KCNK13: variants seen among roughly 807,000 people sequenced by gnomAD.
KCNK13 encodes the protein potassium channel subfamily K member 13.
Under a neutral mutation model 23.4 loss-of-function variants are expected in KCNK13, and 12 were observed. That is an observed-to-expected ratio of 0.51 (90% CI 0.33 to 0.83). KCNK13 has a LOEUF of 0.83. KCNK13 is among the 40% of genes least tolerant of loss of function. The pLI is 0.02. For missense variants in KCNK13, 463 were observed against 556.3 expected (o/e 0.83, Z 1.69); for synonymous variants, 231 against 229.5 (o/e 1.01, Z -0.06).
chr14:90,097,148 T>C (rs934996558), intron 1 of KCNK13, among the ~76,000 whole-genome samples: 1 of 152,142 alleles, frequency 6.6e-6, no homozygotes, highest in African/African-American at 2.4e-5. Flanking sequence ...CTCTGCCCAA[T>C]AGAACCAGCT....
intron 1 of KCNK13, among the ~76,000 whole-genome samples, chr14:90,124,603 G>T: frequency 6.6e-6 from 1 of 152,296 alleles, no homozygotes; most frequent in Middle Eastern, 3.4e-3. Flanking sequence ...CGGGGACCTC[G>T]GTCCTGCAAC....
chr14:90,130,947 T>A (rs1263585557), intron 1 of KCNK13, among the ~76,000 whole-genome samples: 1 of 152,196 alleles, frequency 6.6e-6, no homozygotes, highest in Non-Finnish European at 1.5e-5. Context: ...CAAGTTTGAT[T>A]CCAGCTCCTC....
At chr14:90,177,670 G>T (rs1424399875) in intron 1 of KCNK13, among the ~76,000 whole-genome samples, 1 of 152,168 alleles carries the variant, frequency 6.6e-6, no homozygotes, top group Non-Finnish European at 1.5e-5. Flanking sequence ...GTGTGTGAAG[G>T]AGTGGTTCCT....
intron 1 of KCNK13, among the ~76,000 whole-genome samples, chr14:90,127,267 G>T (rs1163052962): frequency 6.6e-6 from 1 of 152,016 alleles, no homozygotes; most frequent in African/African-American, 2.4e-5. Flanking sequence ...AAAAGTGTAT[G>T]CACCTTAAAA....
intron 1 of KCNK13, among the ~76,000 whole-genome samples, chr14:90,075,877 C>T (rs1377624773): frequency 6.6e-6 from 1 of 152,154 alleles, no homozygotes; most frequent in Non-Finnish European, 1.5e-5. Flanking sequence ...CATTTAAACC[C>T]CATTGGATCT....
At chr14:90,099,607 A>G (rs1889450893) in intron 1 of KCNK13, among the ~76,000 whole-genome samples, 3 of 152,206 alleles carry the variant, frequency 2.0e-5, no homozygotes. Context: ...ACTAGGGAGA[A>G]AAGTGCTGAT....
chr14:90,133,833 G>A (rs981247393), intron 1 of KCNK13, among the ~76,000 whole-genome samples: 8 of 152,034 alleles, frequency 5.3e-5, no homozygotes, highest in Admixed American at 1.3e-4. Context: ...CTGGGGCCTC[G>A]CTATCCAAAA....
chr14:90,075,919 A>G (rs58980746), intron 1 of KCNK13, among the ~76,000 whole-genome samples: 2,702 of 152,350 alleles, frequency 0.018, 66 homozygotes, highest in African/African-American at 0.061. Context: ...TCAGACAGAA[A>G]GTAAAGGCAA....
chr14:90,098,121 C>T (rs940921912), intron 1 of KCNK13, among the ~76,000 whole-genome samples: 1 of 152,200 alleles, frequency 6.6e-6, no homozygotes, highest in Non-Finnish European at 1.5e-5. Context: ...GCCACACATT[C>T]ACCTGTGGGT....
At chr14:90,072,992 A>G (rs921385104) in intron 1 of KCNK13, among the ~76,000 whole-genome samples, 1 of 152,178 alleles carries the variant, frequency 6.6e-6, no homozygotes, top group Non-Finnish European at 1.5e-5. Context: ...GTTGCAAACA[A>G]GGATCCTGAG....
chr14:90,160,815 C>A (rs1890244920), intron 1 of KCNK13, among the ~76,000 whole-genome samples: 1 of 149,908 alleles, frequency 6.7e-6, no homozygotes, highest in Non-Finnish European at 1.5e-5. Flanking sequence ...TGGACACCAG[C>A]CTGGGTGACA....
chr14:90,133,271 A>C (rs1889895834), intron 1 of KCNK13, among the ~76,000 whole-genome samples: 1 of 152,200 alleles, frequency 6.6e-6, no homozygotes, highest in African/African-American at 2.4e-5. Context: ...GAGTGAAAGA[A>C]ACCAGTTGCA....
At chr14:90,138,942 A>G (rs566842378) in intron 1 of KCNK13, among the ~76,000 whole-genome samples, 1 of 152,306 alleles carries the variant, frequency 6.6e-6, no homozygotes, top group African/African-American at 2.4e-5. Flanking sequence ...AAACACATCG[A>G]GGCAGGCAGT....
chr14:90,107,797 G>C, intron 1 of KCNK13: 1 of 853,554 alleles, frequency 1.2e-6, no homozygotes, highest in South Asian at 1.3e-5. Context: ...TCAAACAAGG[G>C]CTTCTGGAAT....
chr14:90,172,185 C>T (rs566350697), intron 1 of KCNK13, among the ~76,000 whole-genome samples: 78 of 152,076 alleles, frequency 5.1e-4, no homozygotes, highest in Middle Eastern at 6.8e-3. Context: ...GCTGTGGTGG[C>T]AGGTGCCTGT....
At chr14:90,092,988 G>A (rs11625284) in intron 1 of KCNK13, among the ~76,000 whole-genome samples, 1 of 149,072 alleles carries the variant, frequency 6.7e-6, no homozygotes, top group East Asian at 2.0e-4. Context: ...CCATTTCTTA[G>A]ACCCTTAATT....
At chr14:90,159,892 A>G (rs559387371) in intron 1 of KCNK13, among the ~76,000 whole-genome samples, 1 of 152,020 alleles carries the variant, frequency 6.6e-6, no homozygotes, top group African/African-American at 2.4e-5. Flanking sequence ...TGAGATCTGA[A>G]CCCAGATAGC....
intron 1 of KCNK13, among the ~76,000 whole-genome samples, chr14:90,154,538 A>G (rs1890172952): frequency 6.6e-6 from 1 of 152,228 alleles, no homozygotes; most frequent in African/African-American, 2.4e-5. Flanking sequence ...CTACTAGCCT[A>G]GCCCATCCTG....
At chr14:90,075,133 T>A (rs1311243986) in intron 1 of KCNK13, among the ~76,000 whole-genome samples, 2 of 152,212 alleles carry the variant, frequency 1.3e-5, no homozygotes, top group African/African-American at 4.8e-5. Flanking sequence ...ATTTTTTAAG[T>A]CTGTTTTCAA....
Sources: gnomAD v4.1 joint callset for allele counts (sites outside exome capture counted in the v4.1 genomes callset) on GRCh38, gnomAD v4.1.1 for gene constraint, MANE v1.5 for transcripts, NCBI Gene and HGNC (gene_info 2026-07-23, HGNC 2026-07-21) for gene names.